The following SCN2A variants were observed in gnomAD, a reference collection of about 807,000 sequenced individuals.
SCN2A encodes sodium voltage-gated channel alpha subunit 2.
A neutral mutation model predicts 188.7 loss-of-function variants in SCN2A; 20 were observed. That is an observed-to-expected ratio of 0.11 (90% confidence interval 0.07 to 0.15). SCN2A has a LOEUF of 0.15. Among genes scored for constraint, SCN2A ranks in the 10% least tolerant of loss-of-function variants. The probability of loss-of-function intolerance (pLI) is 1.00; values close to 1 mark genes in which losing one functional copy is unlikely to be tolerated. For missense variants in SCN2A, 1,278 were observed against 2,445.0 expected (o/e 0.52, Z 10.07); for synonymous variants, 804 against 833.1 (o/e 0.97, Z 0.60).
intron 14 of SCN2A, among the ~76,000 whole-genome samples, chr2:165,339,184 G>A (rs1462252493): frequency 1.3e-5 from 2 of 151,294 alleles, no homozygotes; most frequent in African/African-American, 2.4e-5. Flanking sequence ...TTAAGCCACT[G>A]CACTCCACAC....
chr2:165,389,086 C>T lies in SCN2A; in HGVS notation c.5280C>T (p.Ile1760=). The T allele has an allele frequency of 5.0e-6, 8 of 1,614,090 alleles. No individual in the cohort carries two copies. Among genetic ancestry groups the T allele is most frequent in the Non-Finnish European group, 6.8e-6 (8 of 1,179,996 alleles). The stretch of plus-strand genomic sequence containing the variant: ...GGATTTTCTTTTTTGTCAGTTACAT[C>T]ATCATATCCTTCCTGGTTGTGGTGA... ...SVGIFFFVSY[I]IISFLVVVNM... The change falls in exon 27 of 27, where the codon ATC becomes ATT. Residue 1760 remains isoleucine, a synonymous_variant. Transcript: ENST00000375437. This position sits in a 1 kb window ranked among gnomAD's most constrained non-coding sequence, Gnocchi z 4.2.
intron 1 of SCN2A, chr2:165,286,071 A>C (rs763618642): frequency 3.1e-5 from 5 of 161,050 alleles, no homozygotes; most frequent in African/African-American, 4.8e-5. Context: ...GGAGAGCCTT[A>C]TCCGAATTCT....
intron 3 of SCN2A, 44 bp downstream of exon 3, chr2:165,297,179 A>G (rs1444525557): frequency 3.4e-6 from 4 of 1,185,390 alleles, no homozygotes; most frequent in Admixed American, 1.7e-5. Flanking sequence ...TTCTTCTTTG[A>G]CCAAGTTATT....
chr2:165,262,291 G>A lies in SCN2A; in HGVS notation c.-52+22651G>A, dbSNP rs553076827. 2.0e-5 allele frequency among the ~76,000 whole-genome samples: 3 copies of A among 152,148 alleles called. No homozygotes were observed. The South Asian group carries it at 6.2e-4, about 32-fold the overall frequency. ...GGTTACATGGATGAGTTCTTTAGTG[G>A]TGATTTCTGAGATTCTGGTGCACCC... On this transcript the variant is annotated intron_variant, in intron 1 of 26. Transcript: ENST00000375437.
intron 1 of SCN2A, among the ~76,000 whole-genome samples, chr2:165,294,373 G>GA (rs886291820): frequency 6.6e-6 from 1 of 152,022 alleles, no homozygotes; most frequent in African/African-American, 2.4e-5. Context: ...AGGAATGGGT[G>GA]AAAAAAATGA....
At chr2:165,268,950 G>A (rs1384786329) in intron 1 of SCN2A, 1 of 152,026 alleles carries the variant, frequency 6.6e-6, no homozygotes, top group Non-Finnish European at 1.5e-5. Context: ...CAAACTCACA[G>A]AAACAGAAAG....
Position 165,329,286 on chromosome 2 carries a change from T to C in SCN2A, c.2150-2044T>C, listed in dbSNP as rs139667932. Among the ~76,000 whole-genome samples, 7 of 152,214 alleles carry C rather than the reference T, an allele frequency of 4.6e-5. No individual in the cohort carries two copies. In the East Asian group the frequency reaches 1.4e-3, roughly 29 times the overall value. ...TTAAAAGTGCAAAATCACATAGAAA[T>C]GTTTTCTGGTCACACCTTTGTGAAG... On this transcript the variant is annotated intron_variant, in intron 13 of 26. Coordinates refer to ENST00000375437, the MANE Select transcript of SCN2A (RefSeq NM_001040142.2).
intron 1 of SCN2A, among the ~76,000 whole-genome samples, chr2:165,244,519 A>G (rs1465575104): frequency 6.8e-6 from 1 of 147,546 alleles, no homozygotes; most frequent in African/African-American, 2.7e-5. Flanking sequence ...AAATCTTATC[A>G]TGTAATATCG....
intron 1 of SCN2A, among the ~76,000 whole-genome samples, chr2:165,255,693 C>T (rs1694284074): frequency 6.6e-6 from 1 of 152,140 alleles, no homozygotes; most frequent in African/African-American, 2.4e-5. Context: ...CTTAGAGTCA[C>T]CTCTTCATGA....
At chr2:165,267,140 T>G (rs1244019440) in intron 1 of SCN2A, 2 of 152,004 alleles carry the variant, frequency 1.3e-5, no homozygotes, top group African/African-American at 4.8e-5. Flanking sequence ...AATAGATATT[T>G]TTTAAATCTT....
intron 14 of SCN2A, among the ~76,000 whole-genome samples, chr2:165,337,761 C>T (rs1042710812): frequency 2.0e-5 from 3 of 150,562 alleles, no homozygotes; most frequent in African/African-American, 7.3e-5. Flanking sequence ...CCTAAAAAAG[C>T]TGTTACCACC....
rs886042771 is a variant in SCN2A at position 165,323,510 on chromosome 2, A to G, written c.2016+10A>G. On this transcript the variant is annotated intron_variant, in intron 12 of 26. Coordinates refer to ENST00000375437, the MANE Select transcript of SCN2A (RefSeq NM_001040142.2). The stretch of plus-strand genomic sequence containing the variant: ...GCAGCTCCTACCAGAGGTGAGGCCA[A>G]TTAAAATTGCAGCTGATGTGAAGAG... 1.1e-5 allele frequency: 17 copies of G among 1,605,064 alleles called. No homozygotes were observed. The highest frequency in any genetic ancestry group is 2.2e-5 in the East Asian group (1 of 44,544).
chr2:165,364,626 A>G (rs894649565), intron 17 of SCN2A, among the ~76,000 whole-genome samples: 12 of 152,204 alleles, frequency 7.9e-5, no homozygotes, highest in Non-Finnish European at 1.2e-4. Flanking sequence ...TATAGAATAT[A>G]TTTAATAACA....
At chr2:165,363,403 C>T (rs1442107504) in intron 17 of SCN2A, among the ~76,000 whole-genome samples, 1 of 152,064 alleles carries the variant, frequency 6.6e-6, no homozygotes, top group Non-Finnish European at 1.5e-5. Context: ...TGTGGATTGT[C>T]TGTACTTCCA....
chr2:165,253,332 C>G (rs1694176289), intron 1 of SCN2A, among the ~76,000 whole-genome samples: 1 of 152,152 alleles, frequency 6.6e-6, no homozygotes, highest in African/African-American at 2.4e-5. Flanking sequence ...TTTGACAGTT[C>G]TGTTTCTGAT....
chr2:165,386,613 TGTAAAA>T, intron 25 of SCN2A, 127 bp from the exon 26 acceptor site: 2 of 952,262 alleles, frequency 2.1e-6, no homozygotes, highest in Non-Finnish European at 3.0e-6. Context: ...TTTTTTTTTT[TGTAAAA>T]TGTTGTGAGG....
intron 1 of SCN2A, among the ~76,000 whole-genome samples, chr2:165,276,734 A>T (rs1197928373): frequency 2.0e-5 from 3 of 152,170 alleles, no homozygotes; most frequent in Non-Finnish European, 4.4e-5. Flanking sequence ...TCAGCACTAG[A>T]GACTGGAAGT....
rs1386689270 is a variant in SCN2A, at chr2:165,367,354, C to T, written c.3658C>T (p.Leu1220=). 1 of 1,614,196 alleles carries T rather than the reference C, an allele frequency of 6.2e-7. No individual in the cohort carries two copies. ...FETFIVFMIL[L]SSGALAFEDI... is the part of the protein sequence containing the mutation. The stretch of plus-strand genomic sequence containing the variant: ...AACCTTCATTGTCTTCATGATTCTG[C>T]TGAGCAGTGGGGCTCTGGTAGGTGA... The change falls in exon 19 of 27, where the codon CTG becomes TTG. Residue 1220 remains leucine (L), a synonymous_variant. Coordinates refer to ENST00000375437, the MANE Select transcript of SCN2A (RefSeq NM_001040142.2).
intron 5 of SCN2A, chr2:165,309,146 C>A (rs1377543991): frequency 6.2e-7 from 1 of 1,611,516 alleles, no homozygotes; most frequent in Non-Finnish European, 8.5e-7. Flanking sequence ...TTCTGAATAA[C>A]TCTGATTTAA....
Sources: gnomAD v4.1 joint callset for allele counts (sites outside exome capture counted in the v4.1 genomes callset) on GRCh38, gnomAD v4.1.1 for gene constraint, Gnocchi (gnomAD v3.1) non-coding constraint, MANE v1.5 for transcripts, NCBI Gene and HGNC (gene_info 2026-07-23, HGNC 2026-07-21) for gene names.